Variants in VMP1 observed in about 807,000 individuals in gnomAD.
VMP1 encodes vacuole membrane protein 1.
VMP1 carries 11 observed loss-of-function variants against 56.0 expected under a neutral mutation model. The ratio of observed to expected loss-of-function variants is 0.20; its 90% CI spans 0.12 to 0.32. VMP1 has a LOEUF of 0.32. VMP1 is among the 10% of genes least tolerant of loss of function. The pLI, the probability that VMP1 is intolerant of heterozygous loss-of-function variation, is 1.00. For missense variants in VMP1, 296 were observed against 490.3 expected, an observed-to-expected ratio of 0.60 and a Z score of 3.74; for synonymous variants, 149 against 165.0, an observed-to-expected ratio of 0.90 and a Z score of 0.74.
At chr17:59,795,650 T>G (rs867322649) in intron 7 of VMP1, among the ~76,000 whole-genome samples, 5 of 151,490 alleles carry the variant, frequency 3.3e-5, no homozygotes, top group Middle Eastern at 3.4e-3. Flanking sequence ...TCTCTACCAT[T>G]TAAAAATTAT....
intron 7 of VMP1, among the ~76,000 whole-genome samples, chr17:59,798,178 T>A (rs1478051488): frequency 4.6e-5 from 7 of 152,246 alleles, no homozygotes; most frequent in Non-Finnish European, 1.0e-4. Context: ...AACCTGCCCA[T>A]GTAAATTTGG....
In VMP1 at chr17:59,771,039, T is replaced by C. The variant is rs112202247; in HGVS notation, c.583-2715T>C. ...TACACTCCATAGCCTTGTGTATTTC[T>C]ATCACGAGATACAATGTCTGTTTGT... On this transcript the variant is annotated intron_variant, in intron 6 of 11. Transcript: ENST00000262291. Among the ~76,000 whole-genome samples, 886 of 152,240 alleles carry C rather than the reference T, an allele frequency of 5.8e-3. 11 individuals are homozygous for C. Among genetic ancestry groups the C allele is most frequent in the African/African-American group, 0.02 (849 of 41,532 alleles).
In VMP1 at chr17:59,841,417, A is replaced by G. The variant is rs2039153068; in HGVS notation, c.*1506A>G. The G allele has an allele frequency of 2.5e-6, 1 of 404,738 alleles. No homozygotes were observed. The highest frequency in any genetic ancestry group is 2.0e-5 in the African/African-American group (1 of 50,112). 25.1% of individuals were successfully genotyped at this position (404,738 alleles called of 1,614,324 possible). ...CCAGCATCATTGTTTATAATCAGAA[A>G]CTCTGGTCCTTCTGTCTGGTGGCAC... On this transcript the variant is annotated 3_prime_UTR_variant, in exon 12 of 12. Transcript: ENST00000262291.
chr17:59,827,392 C>T (rs985743708), intron 10 of VMP1, among the ~76,000 whole-genome samples: 4 of 151,954 alleles, frequency 2.6e-5, no homozygotes, highest in African/African-American at 9.7e-5. Context: ...TCTCAGCTCA[C>T]TGCAACCTCT....
intron 1 of VMP1, among the ~76,000 whole-genome samples, chr17:59,708,977 A>G (rs2033800167): frequency 6.6e-6 from 1 of 152,214 alleles, no homozygotes; most frequent in Non-Finnish European, 1.5e-5. Flanking sequence ...TTTGAGGGAT[A>G]TATCCTACTT....
chr17:59,758,627 C>G (rs1221369386), intron 5 of VMP1, among the ~76,000 whole-genome samples: 1 of 151,542 alleles, frequency 6.6e-6, no homozygotes, highest in Non-Finnish European at 1.5e-5. Context: ...GAGTTTGAGA[C>G]TAGCCTGGGC....
chr17:59,783,109 T>C (rs2036884990), intron 7 of VMP1, among the ~76,000 whole-genome samples: 1 of 152,106 alleles, frequency 6.6e-6, no homozygotes, highest in South Asian at 2.1e-4. Context: ...GGCAGGAGAA[T>C]GGCATGAACC....
chr17:59,792,594 G>A (rs1271440207), intron 7 of VMP1, among the ~76,000 whole-genome samples: 2 of 151,708 alleles, frequency 1.3e-5, no homozygotes, highest in Non-Finnish European at 2.9e-5. Flanking sequence ...GCTGGGCACG[G>A]TGGCTCATGC....
intron 7 of VMP1, among the ~76,000 whole-genome samples, chr17:59,775,374 C>T (rs2036584728): frequency 6.6e-6 from 1 of 152,138 alleles, no homozygotes; most frequent in African/African-American, 2.4e-5. Context: ...CTGATTGTGC[C>T]ACTGCACTCC....
At chr17:59,739,559 C>T (rs1598318064) in intron 5 of VMP1, among the ~76,000 whole-genome samples, 2 of 150,774 alleles carry the variant, frequency 1.3e-5, no homozygotes, top group African/African-American at 4.9e-5. Flanking sequence ...CCTGTCTCTA[C>T]TAAAAATACA....
chr17:59,792,877 AT>A (rs764217304), intron 7 of VMP1, among the ~76,000 whole-genome samples: 10,748 of 74,458 alleles, frequency 0.14, 2,261 homozygotes, highest in African/African-American at 0.26. Context: ...AATAATAATA[AT>A]TATTATTATT....
chr17:59,763,036 A>G (rs949745227), intron 5 of VMP1, among the ~76,000 whole-genome samples: 7 of 152,188 alleles, frequency 4.6e-5, no homozygotes, highest in Non-Finnish European at 2.9e-5. Context: ...CAAAGAGGAC[A>G]GTAACATGGG....
chr17:59,765,831 T>C (rs2036212772), intron 6 of VMP1, among the ~76,000 whole-genome samples: 1 of 152,018 alleles, frequency 6.6e-6, no homozygotes, highest in Non-Finnish European at 1.5e-5. Flanking sequence ...ATCCATGTTG[T>C]TCAAGGGTCA....
At chr17:59,721,326 A>G (rs2034388729) in intron 1 of VMP1, among the ~76,000 whole-genome samples, 1 of 152,230 alleles carries the variant, frequency 6.6e-6, no homozygotes, top group Non-Finnish European at 1.5e-5. Context: ...AGCCTGGGCG[A>G]CAAGAGCGAA....
At chr17:59,775,827 A>T (rs2036600243) in intron 7 of VMP1, among the ~76,000 whole-genome samples, 1 of 152,208 alleles carries the variant, frequency 6.6e-6, no homozygotes, top group African/African-American at 2.4e-5. Context: ...TGACCTAATC[A>T]CAATCTGTGT....
chr17:59,802,861 C>G (rs572406753), intron 7 of VMP1, among the ~76,000 whole-genome samples: 2 of 152,362 alleles, frequency 1.3e-5, no homozygotes, highest in Admixed American at 6.5e-5. Context: ...ATTCTCCCAC[C>G]TCAGCCTCCC....
chr17:59,733,704 CA>C (rs998741066), intron 2 of VMP1, among the ~76,000 whole-genome samples: 6 of 151,036 alleles, frequency 4.0e-5, no homozygotes, highest in African/African-American at 1.5e-4. Context: ...GACCCTGTCT[CA>C]AAAAAAACAA....
In VMP1 at chr17:59,841,257, G is replaced by GTA; in HGVS notation, c.*1347_*1348dup. 1 of 500,534 alleles carries GTA rather than the reference G, an allele frequency of 2.0e-6. No homozygotes were observed. Among genetic ancestry groups the GTA allele is most frequent in the South Asian group, 1.5e-5 (1 of 68,838 alleles). 31.0% of individuals were successfully genotyped at this position (500,534 alleles called of 1,614,324 possible). A position where few individuals can be genotyped will look rare whatever the true frequency, so the allele number is the denominator to read the frequency against. ...CTACCATCGTGACATCTCCATGGCT[G>GTA]TACCACCTTGTCGGGTAGCTTATCA... is the stretch of plus-strand genomic sequence containing the variant. On this transcript the variant is annotated 3_prime_UTR_variant, in exon 12 of 12. Transcript: ENST00000262291.
At chr17:59,829,085 C>T (rs973129913) in intron 10 of VMP1, among the ~76,000 whole-genome samples, 1 of 152,144 alleles carries the variant, frequency 6.6e-6, no homozygotes, top group Non-Finnish European at 1.5e-5. Context: ...CACTGCACTC[C>T]ATCGTGGGTG....
Sources: gnomAD v4.1 joint callset for allele counts (sites outside exome capture counted in the v4.1 genomes callset) on GRCh38, gnomAD v4.1.1 for gene constraint, MANE v1.5 for transcripts, NCBI Gene and HGNC (gene_info 2026-07-23, HGNC 2026-07-21) for gene names.